SIPA1L2: variants seen among roughly 807,000 people sequenced by gnomAD.
SIPA1L2 encodes the protein signal induced proliferation associated 1 like 2.
Under a neutral mutation model 163.9 loss-of-function variants are expected in SIPA1L2, and 56 were observed. The observed-to-expected ratio is 0.34, with a 90% CI of 0.28 to 0.43. SIPA1L2 has a LOEUF of 0.43. Among genes scored for constraint, SIPA1L2 ranks in the 20% least tolerant of loss-of-function variants. The probability of loss-of-function intolerance (pLI) is 1.00; values close to 1 mark genes in which losing one functional copy is unlikely to be tolerated. For synonymous variants in SIPA1L2, 877 were observed against 865.7 expected (o/e 1.01, Z -0.23); for missense variants, 1,974 against 2,193.5 (o/e 0.90, Z 2.00).
chr1:232,571,958 C>T (rs1451106865), intron 2 of SIPA1L2, among the ~76,000 whole-genome samples: 1 of 152,158 alleles, frequency 6.6e-6, no homozygotes, highest in Non-Finnish European at 1.5e-5. Flanking sequence ...TTTATAGCAA[C>T]ACAAAAAGGG....
intron 10 of SIPA1L2, 131 bp downstream of exon 10, chr1:232,460,756 T>G: frequency 9.0e-7 from 1 of 1,107,324 alleles, no homozygotes; most frequent in Non-Finnish European, 1.3e-6. Context: ...TACAAATGAG[T>G]GACATCCCAG....
At chr1:232,418,041 G>A (rs1159121328) in intron 18 of SIPA1L2, among the ~76,000 whole-genome samples, 1 of 152,168 alleles carries the variant, frequency 6.6e-6, no homozygotes, top group African/African-American at 2.4e-5. Flanking sequence ...GTTTTACTAA[G>A]AAATGCCAAC....
chr1:232,472,215 C>A (rs1365070049), intron 7 of SIPA1L2, among the ~76,000 whole-genome samples: 1 of 152,198 alleles, frequency 6.6e-6, no homozygotes, highest in South Asian at 2.1e-4. Flanking sequence ...ATGCCCCCTT[C>A]CCTCCAGGTT....
At chr1:232,545,731 T>A (rs142674925) in intron 2 of SIPA1L2, among the ~76,000 whole-genome samples, 2 of 152,388 alleles carry the variant, frequency 1.3e-5, no homozygotes, top group East Asian at 3.9e-4. Context: ...AATTCGCATA[T>A]AATTCTCTTA....
intron 10 of SIPA1L2, among the ~76,000 whole-genome samples, chr1:232,448,073 G>A (rs571514397): frequency 1.5e-4 from 23 of 152,250 alleles, no homozygotes; most frequent in East Asian, 1.2e-3. Flanking sequence ...TGGCATCACA[G>A]CTCCCTAAAA....
At chr1:232,523,651 G>A (rs1235222397) in intron 2 of SIPA1L2, among the ~76,000 whole-genome samples, 1 of 152,032 alleles carries the variant, frequency 6.6e-6, no homozygotes, top group Admixed American at 6.5e-5. Context: ...TAAGAAAACT[G>A]GCAGGCTGGA....
At chr1:232,621,878 C>T (rs1166286524) in intron 1 of SIPA1L2, among the ~76,000 whole-genome samples, 2 of 152,034 alleles carry the variant, frequency 1.3e-5, no homozygotes, top group East Asian at 1.9e-4. Context: ...GACAGGTGTG[C>T]ACCACCACAC....
chr1:232,563,831 C>T (rs1398246044), intron 2 of SIPA1L2, among the ~76,000 whole-genome samples: 2 of 151,514 alleles, frequency 1.3e-5, no homozygotes, highest in Non-Finnish European at 2.9e-5. Flanking sequence ...TCTCCTGCCT[C>T]AGCCTCCTGA....
chr1:232,485,302 C>T (rs1008266993), intron 5 of SIPA1L2, among the ~76,000 whole-genome samples: 3 of 152,184 alleles, frequency 2.0e-5, no homozygotes, highest in Admixed American at 1.3e-4. Flanking sequence ...CCAGGAGATC[C>T]CCAACTGCAT....
chr1:232,514,965 C>T lies in SIPA1L2; in HGVS notation c.375G>A (p.Gln125=), dbSNP rs1463862863. 1 of 1,614,176 alleles carries T rather than the reference C, an allele frequency of 6.2e-7. No individual in the cohort carries two copies. The highest frequency in any genetic ancestry group is 8.5e-7 in the Non-Finnish European group (1 of 1,180,018). Residue 125 remains glutamine, a synonymous_variant, in exon 3 of 23, where the codon CAG becomes CAA. Coordinates refer to ENST00000674635, the MANE Select transcript of SIPA1L2 (RefSeq NM_020808.5). ...QNGQSDQSEG[Q]QDEQLDLDFV... ...AGTCCAGATCGAGCTGTTCATCTTG[C>T]TGACCTTCACTCTGGTCACTCTGCC...
At chr1:232,463,350 T>C (rs1049095763) in intron 9 of SIPA1L2, among the ~76,000 whole-genome samples, 6 of 152,238 alleles carry the variant, frequency 3.9e-5, no homozygotes, top group Non-Finnish European at 7.3e-5. Context: ...GACTGCATTC[T>C]TCTCTTTCTT....
In SIPA1L2 at chr1:232,465,536, A is replaced by G. The variant is rs1441209963; in HGVS notation, c.2244-120T>C. ...TATACATACACACACACACACACAT[A>G]TACATACACACATACACACACACTT... On this transcript the variant is annotated intron_variant, in intron 8 of 22. Coordinates refer to ENST00000674635, the MANE Select transcript of SIPA1L2 (RefSeq NM_020808.5). This position sits in a 1 kb window ranked among gnomAD's most constrained non-coding sequence, Gnocchi z 4.1. 2.2e-5 allele frequency: 18 copies of G among 820,162 alleles called. No homozygotes were observed. The African/African-American group carries it at 3.0e-4, about 14-fold the overall frequency. 50.8% of individuals were successfully genotyped at this position (820,162 alleles called of 1,614,324 possible). A position where few individuals can be genotyped will look rare whatever the true frequency, so the allele number is the denominator to read the frequency against.
intron 8 of SIPA1L2, among the ~76,000 whole-genome samples, chr1:232,470,065 A>G (rs149701156): frequency 1.1e-3 from 163 of 152,236 alleles, no homozygotes; most frequent in African/African-American, 3.7e-3. Context: ...TCCCAATCCA[A>G]TTAGGAAGGT....
chr1:232,469,448 A>G (rs1247783654), intron 8 of SIPA1L2, among the ~76,000 whole-genome samples: 2 of 152,222 alleles, frequency 1.3e-5, no homozygotes, highest in African/African-American at 2.4e-5. Flanking sequence ...ACAGCTTCAT[A>G]AAATGTTATG....
chr1:232,568,499 G>C (rs1418233697), intron 2 of SIPA1L2, among the ~76,000 whole-genome samples: 1 of 152,124 alleles, frequency 6.6e-6, no homozygotes, highest in Non-Finnish European at 1.5e-5. Flanking sequence ...TAGACCTATT[G>C]AATTAAGGAC....
chr1:232,616,720 G>A, intron 1 of SIPA1L2, among the ~76,000 whole-genome samples: 1 of 152,218 alleles, frequency 6.6e-6, no homozygotes, highest in East Asian at 1.9e-4. Context: ...AACCAATACA[G>A]CCCTAAGGAA....
intron 2 of SIPA1L2, among the ~76,000 whole-genome samples, chr1:232,540,819 C>G (rs1657612780): frequency 6.6e-6 from 1 of 152,220 alleles, no homozygotes; most frequent in East Asian, 1.9e-4. Flanking sequence ...TCATTATAAG[C>G]AATAGTCAAT....
At chr1:232,597,448 T>C (rs557432031) in intron 1 of SIPA1L2, among the ~76,000 whole-genome samples, 118 of 147,990 alleles carry the variant, frequency 8.0e-4, no homozygotes, top group South Asian at 2.8e-3. Flanking sequence ...GAGGCCAAGG[T>C]GGGCGGATCA....
intron 1 of SIPA1L2, among the ~76,000 whole-genome samples, chr1:232,601,761 T>C (rs1385206022): frequency 6.6e-6 from 1 of 152,216 alleles, no homozygotes; most frequent in Admixed American, 6.5e-5. Flanking sequence ...ATTTTACTTG[T>C]ATTCTTTACA....
Sources: gnomAD v4.1 joint callset for allele counts (sites outside exome capture counted in the v4.1 genomes callset) on GRCh38, gnomAD v4.1.1 for gene constraint, Gnocchi (gnomAD v3.1) non-coding constraint, MANE v1.5 for transcripts, NCBI Gene and HGNC (gene_info 2026-07-23, HGNC 2026-07-21) for gene names.